Variants in ATE1 observed in about 807,000 individuals in gnomAD.
ATE1 encodes the protein arginyl-tRNA--protein transferase 1.
In ATE1, 36 loss-of-function variants were observed where a neutral mutation model predicts 70.5. That is an observed-to-expected ratio of 0.51 (90% CI 0.39 to 0.67). ATE1 has a LOEUF of 0.67. Among genes scored for constraint, ATE1 ranks in the 30% least tolerant of loss-of-function variants. ATE1 has a pLI of 0.00. For synonymous variants in ATE1, 232 were observed against 219.3 expected, an observed-to-expected ratio of 1.06 and a Z score of -0.51; for missense variants, 593 against 629.5, an observed-to-expected ratio of 0.94 and a Z score of 0.62.
intron 7 of ATE1, among the ~76,000 whole-genome samples, chr10:121,888,405 G>T (rs990263965): frequency 6.6e-6 from 1 of 151,690 alleles, no homozygotes; most frequent in African/African-American, 2.4e-5. Flanking sequence ...AAAAATAAAT[G>T]AATAATAATA....
intron 7 of ATE1, among the ~76,000 whole-genome samples, chr10:121,871,672 A>C (rs148852890): frequency 1.2e-3 from 185 of 152,306 alleles, no homozygotes; most frequent in African/African-American, 4.2e-3. Context: ...TCAATTAAAT[A>C]GTATCATTTA....
chr10:121,866,457 T>G (rs1449477647), intron 8 of ATE1, among the ~76,000 whole-genome samples: 1 of 152,100 alleles, frequency 6.6e-6, no homozygotes, highest in Non-Finnish European at 1.5e-5. Context: ...CAGACAGAAA[T>G]TATCATTAAA....
At chr10:121,776,133 G>A (rs546912786) in intron 11 of ATE1, among the ~76,000 whole-genome samples, 2 of 152,102 alleles carry the variant, frequency 1.3e-5, no homozygotes, top group South Asian at 2.1e-4. Context: ...CAGGGTAATC[G>A]GGACACCAGC....
chr10:121,820,276 C>A (rs566006439), intron 10 of ATE1, among the ~76,000 whole-genome samples: 101 of 152,260 alleles, frequency 6.6e-4, no homozygotes, highest in African/African-American at 2.4e-3. Context: ...TAGATATCAT[C>A]ATTTTAACAT....
chr10:121,801,438 CAA>C, intron 10 of ATE1, among the ~76,000 whole-genome samples: 1 of 151,906 alleles, frequency 6.6e-6, no homozygotes, highest in East Asian at 1.9e-4. Flanking sequence ...CCTTGTGAAG[CAA>C]AGATTCAAGG....
intron 7 of ATE1, among the ~76,000 whole-genome samples, chr10:121,874,995 A>G (rs1237459746): frequency 1.5e-3 from 1 of 654 alleles, no homozygotes; most frequent in African/African-American, 7.7e-3. Flanking sequence ...AAAAAAAAAA[A>G]TACAAAAATT....
intron 8 of ATE1, among the ~76,000 whole-genome samples, chr10:121,847,583 C>A (rs1948878185): frequency 6.6e-6 from 1 of 151,412 alleles, no homozygotes; most frequent in African/African-American, 2.4e-5. Context: ...CACAGTGAAA[C>A]CCTGTCTGTA....
intron 1 of ATE1, among the ~76,000 whole-genome samples, chr10:121,924,562 T>C (rs898944421): frequency 6.6e-5 from 10 of 151,650 alleles, no homozygotes; most frequent in Non-Finnish European, 1.5e-4. Context: ...TAGCTGGGCA[T>C]AGTGGCGGGC....
chr10:121,746,396 GAC>G (rs1292061029), intron 11 of ATE1, among the ~76,000 whole-genome samples: 1 of 152,112 alleles, frequency 6.6e-6, no homozygotes, highest in Non-Finnish European at 1.5e-5. Flanking sequence ...TTCACGCTGG[GAC>G]ACACACACAA....
At chr10:121,777,811 ATTATGT>A (rs1564829433) in intron 11 of ATE1, among the ~76,000 whole-genome samples, 2 of 152,228 alleles carry the variant, frequency 1.3e-5, no homozygotes, top group Non-Finnish European at 1.5e-5. Context: ...AATGTAATTC[ATTATGT>A]TTATAAGAAT....
chr10:121,793,765 T>C (rs1946546260), intron 10 of ATE1, among the ~76,000 whole-genome samples: 1 of 152,140 alleles, frequency 6.6e-6, no homozygotes, highest in South Asian at 2.1e-4. Flanking sequence ...CTTTTCCAAG[T>C]TTATATATCT....
At chr10:121,769,314 C>G (rs1229099099) in intron 11 of ATE1, among the ~76,000 whole-genome samples, 1 of 152,150 alleles carries the variant, frequency 6.6e-6, no homozygotes, top group African/African-American at 2.4e-5. Flanking sequence ...TTTCCAACAA[C>G]TAGTGTTGGA....
At chr10:121,823,094 T>C (rs1052162747) in intron 10 of ATE1, among the ~76,000 whole-genome samples, 5 of 151,972 alleles carry the variant, frequency 3.3e-5, no homozygotes, top group South Asian at 2.1e-4. Context: ...ATCGAGACCA[T>C]CCTGGCTAAC....
intron 3 of ATE1, among the ~76,000 whole-genome samples, chr10:121,915,446 A>T (rs1475534309): frequency 6.6e-6 from 1 of 152,152 alleles, no homozygotes. Context: ...GTGAAAAGAT[A>T]GAATAAAAAA....
chr10:121,879,841 C>A (rs890531066), intron 7 of ATE1, among the ~76,000 whole-genome samples: 1 of 152,298 alleles, frequency 6.6e-6, no homozygotes, highest in African/African-American at 2.4e-5. Flanking sequence ...CCTCCAAGCA[C>A]TAGCTTCCTG....
chr10:121,836,165 C>T (rs1231686054), intron 10 of ATE1, among the ~76,000 whole-genome samples: 2 of 152,132 alleles, frequency 1.3e-5, no homozygotes, highest in African/African-American at 2.4e-5. Context: ...CTACTCCTTC[C>T]TTTCCTCTTC....
chr10:121,867,402 G>A (rs1949700142), intron 8 of ATE1, among the ~76,000 whole-genome samples: 1 of 152,142 alleles, frequency 6.6e-6, no homozygotes, highest in South Asian at 2.1e-4. Context: ...ATTGCCTTCT[G>A]CTAAAAACCC....
intron 11 of ATE1, among the ~76,000 whole-genome samples, chr10:121,754,192 G>A (rs140760829): frequency 2.6e-5 from 4 of 152,316 alleles, no homozygotes; most frequent in Non-Finnish European, 5.9e-5. Flanking sequence ...TCTGTCTGCT[G>A]AGAGGGCTTA....
At chr10:121,902,647 C>T in intron 5 of ATE1, 27 bp from the exon 6 acceptor site, 1 of 1,557,726 alleles carries the variant, frequency 6.4e-7, no homozygotes, top group African/African-American at 1.4e-5. Context: ...AATATTAGAC[C>T]AATCACATTT....
Sources: gnomAD v4.1 joint callset for allele counts (sites outside exome capture counted in the v4.1 genomes callset) on GRCh38, gnomAD v4.1.1 for gene constraint, MANE v1.5 for transcripts, NCBI Gene and HGNC (gene_info 2026-07-23, HGNC 2026-07-21) for gene names.